ARID5B: variants seen among roughly 807,000 people sequenced by gnomAD.
The protein encoded by ARID5B is AT-rich interactive domain-containing protein 5B.
ARID5B carries 13 observed loss-of-function variants against 97.2 expected under a neutral mutation model. The observed-to-expected ratio is 0.13, with a 90% CI of 0.09 to 0.21. The LOEUF is 0.21. Ranked by LOEUF, ARID5B falls within the 10% of genes least tolerant of loss-of-function variation. The pLI, the probability that ARID5B is intolerant of heterozygous loss-of-function variation, is 1.00. For synonymous variants in ARID5B, 556 were observed against 570.3 expected, an observed-to-expected ratio of 0.97 and a Z score of 0.36; for missense variants, 1,210 against 1,465.3, an observed-to-expected ratio of 0.83 and a Z score of 2.84.
Position 62,092,560 on chromosome 10 carries a change from C to T in ARID5B, c.3097C>T (p.Pro1033Ser), listed in dbSNP as rs1340574832. 3.1e-6 allele frequency: 5 copies of T among 1,614,176 alleles called. No homozygotes were observed. The highest frequency in any genetic ancestry group is 4.2e-6 in the Non-Finnish European group (5 of 1,180,028). ...AGGGAAAAAGGCCCGGGCAGTGTCT[C>T]CCTTAGACCCATCCAAGGAGGTCTC... ...IAGKKARAVS[P>S]LDPSKEVSGK... Residue 1033 changes from proline to serine, a missense_variant, in exon 10 of 10, where the codon CCC becomes TCC. Physicochemically the swap from Pro to Ser is moderately conservative, Grantham distance 74. This residue lies in a region of ARID5B where 800 missense variants were observed against 839.1 expected (regional missense o/e 0.95). Coordinates refer to ENST00000279873, the MANE Select transcript of ARID5B (RefSeq NM_032199.3).
At chr10:61,997,544 T>C (rs1448094912) in intron 3 of ARID5B, among the ~76,000 whole-genome samples, 1 of 152,184 alleles carries the variant, frequency 6.6e-6, no homozygotes, top group Non-Finnish European at 1.5e-5. Flanking sequence ...TCAAGAATAC[T>C]TGGAGAAATT....
chr10:61,977,073 T>C (rs377215357), intron 3 of ARID5B, among the ~76,000 whole-genome samples: 21 of 152,304 alleles, frequency 1.4e-4, no homozygotes, highest in East Asian at 1.4e-3. Context: ...AGTGTTCTCA[T>C]TGTTCAATTC....
intron 4 of ARID5B, among the ~76,000 whole-genome samples, chr10:62,001,215 C>G (rs558633734): frequency 4.1e-5 from 6 of 145,698 alleles, no homozygotes; most frequent in South Asian, 2.1e-4. Context: ...CCTGGGGTAG[C>G]CTTATCAAAC....
At chr10:62,011,316 C>T (rs1317331198) in intron 4 of ARID5B, among the ~76,000 whole-genome samples, 1 of 152,126 alleles carries the variant, frequency 6.6e-6, no homozygotes, top group Non-Finnish European at 1.5e-5. Flanking sequence ...CAGGACATAC[C>T]CCTTCAGAAA....
intron 7 of ARID5B, among the ~76,000 whole-genome samples, chr10:62,060,752 G>A (rs952182916): frequency 3.9e-5 from 6 of 152,224 alleles, no homozygotes; most frequent in East Asian, 3.9e-4. Context: ...AGGAATATAC[G>A]TTTTTATATG....
Position 62,091,962 on chromosome 10 carries a change from G to C in ARID5B, c.2499G>C (p.Ser833=). ...CTAGCTTCCTGGCTGACTTCTACTC[G>C]TCCCCTCATCTCCATAGCCTCTACA... ...HMPSFLADFY[S]SPHLHSLYRH... Residue 833 remains serine (S), a synonymous_variant, in exon 10 of 10, where the codon TCG becomes TCC. Coordinates refer to ENST00000279873, the MANE Select transcript of ARID5B (RefSeq NM_032199.3). 1 of 1,613,140 alleles carries C rather than the reference G, an allele frequency of 6.2e-7. No homozygotes were observed.
At chr10:62,061,685 A>G (rs538578868) in intron 7 of ARID5B, among the ~76,000 whole-genome samples, 2 of 152,280 alleles carry the variant, frequency 1.3e-5, no homozygotes, top group South Asian at 4.1e-4. Context: ...TCTTTCTGGT[A>G]CTGTGTGGGC....
At chr10:61,996,024 C>G (rs1406663563) in intron 3 of ARID5B, among the ~76,000 whole-genome samples, 1 of 152,178 alleles carries the variant, frequency 6.6e-6, no homozygotes, top group Non-Finnish European at 1.5e-5. Flanking sequence ...CAAGCCCCAG[C>G]TGTGCCTGTA....
intron 4 of ARID5B, among the ~76,000 whole-genome samples, chr10:62,030,505 C>T (rs1839483009): frequency 6.6e-6 from 1 of 152,100 alleles, no homozygotes; most frequent in African/African-American, 2.4e-5. Context: ...TCCCAGTTAG[C>T]CTAAGAGTGA....
intron 4 of ARID5B, among the ~76,000 whole-genome samples, chr10:62,021,029 A>AATATATATATATATAT (rs10528323): frequency 1.3e-4 from 14 of 106,852 alleles, no homozygotes; most frequent in African/African-American, 3.6e-4. Context: ...TTGTCACATG[A>AATATATATATATATAT]ATATATATAT....
intron 3 of ARID5B, among the ~76,000 whole-genome samples, chr10:61,978,790 A>G (rs1838736494): frequency 1.3e-5 from 2 of 152,198 alleles, no homozygotes; most frequent in African/African-American, 2.4e-5. Flanking sequence ...TAAATATACA[A>G]TCATGTCATC....
intron 3 of ARID5B, among the ~76,000 whole-genome samples, chr10:61,941,733 C>T (rs1403481658): frequency 6.6e-6 from 1 of 152,118 alleles, no homozygotes; most frequent in East Asian, 1.9e-4. Context: ...TGGTTGATGT[C>T]AGACAGTAAC....
At chr10:62,050,537 T>C (rs918214834) in intron 4 of ARID5B, among the ~76,000 whole-genome samples, 4 of 152,218 alleles carry the variant, frequency 2.6e-5, no homozygotes, top group Admixed American at 2.6e-4. Flanking sequence ...AAACCAAAGA[T>C]TGAGCTCAAA....
intron 2 of ARID5B, among the ~76,000 whole-genome samples, chr10:61,910,750 T>G (rs986568383): frequency 6.6e-6 from 1 of 152,246 alleles, no homozygotes; most frequent in African/African-American, 2.4e-5. Context: ...CTTGGGTAAA[T>G]TAATTCTGCT....
At chr10:62,060,891 TTG>T (rs1327716958) in intron 7 of ARID5B, among the ~76,000 whole-genome samples, 3 of 152,218 alleles carry the variant, frequency 2.0e-5, no homozygotes, top group Non-Finnish European at 4.4e-5. Flanking sequence ...TTTCCTGCTT[TTG>T]TGTCTTCTGT....
intron 4 of ARID5B, among the ~76,000 whole-genome samples, chr10:62,044,033 C>CT (rs533162545): frequency 0.015 from 2,190 of 141,840 alleles, 29 homozygotes; most frequent in South Asian, 0.035. Flanking sequence ...AAGCCAGCTT[C>CT]TTTTTTTTTT....
chr10:62,005,929 C>A (rs984188314), intron 4 of ARID5B, among the ~76,000 whole-genome samples: 2 of 152,160 alleles, frequency 1.3e-5, no homozygotes, highest in Non-Finnish European at 2.9e-5. Flanking sequence ...TTGTTCCTGG[C>A]CCCTGTCCAC....
chr10:62,076,425 C>G (rs1056022356), intron 8 of ARID5B, among the ~76,000 whole-genome samples: 9 of 151,944 alleles, frequency 5.9e-5, no homozygotes, highest in African/African-American at 2.2e-4. Flanking sequence ...ACCTGTAATC[C>G]TGACTACTCA....
At chr10:61,909,413 C>T (rs886626105) in intron 2 of ARID5B, among the ~76,000 whole-genome samples, 11 of 151,132 alleles carry the variant, frequency 7.3e-5, no homozygotes, top group Non-Finnish European at 1.6e-4. Context: ...GCCAGCTCCG[C>T]CTCCCGGGTT....
Sources: allele counts gnomAD v4.1 joint callset (sites outside exome capture counted in the v4.1 genomes callset), GRCh38; gene constraint gnomAD v4.1.1; regional missense constraint gnomAD v4.1.1; transcripts MANE v1.5; gene names NCBI Gene and HGNC (gene_info 2026-07-23, HGNC 2026-07-21).